NRSN2: variants seen among roughly 807,000 people sequenced by gnomAD.
NRSN2 encodes the protein neurensin 2.
In NRSN2, 10 loss-of-function variants were observed where a neutral mutation model predicts 11.1. The observed-to-expected ratio is 0.90, with a 90% CI of 0.56 to 1.53. NRSN2 has a LOEUF of 1.53. Among genes scored for constraint, NRSN2 ranks in the 40% most tolerant of loss-of-function variants. The pLI is 0.00. For synonymous variants in NRSN2, 100 were observed against 117.0 expected (o/e 0.86, Z 0.94); for missense variants, 260 against 273.7 (o/e 0.95, Z 0.35).
rs2122588651 is a variant in NRSN2, at chr20:354,180, CCACCCACCACAG to C, written c.*546_*557del. The C allele has an allele frequency of 6.5e-6, 1 of 153,430 alleles. No homozygotes were observed. Among genetic ancestry groups the C allele is most frequent in the East Asian group, 1.9e-4 (1 of 5,188 alleles). 9.5% of individuals were successfully genotyped at this position (153,430 alleles called of 1,614,324 possible). The stretch of plus-strand genomic sequence containing the variant: ...CATTTTGGCATCAGAGCCCCCCAGC[CCACCCACCACAG>C]GCAATTACTAGCCCTAGTTGATAGG... On this transcript the variant is annotated 3_prime_UTR_variant, in exon 5 of 5. Transcript: ENST00000382285.
intron 2 of NRSN2, among the ~76,000 whole-genome samples, chr20:348,694 T>G (rs2013675880): frequency 6.6e-6 from 1 of 151,738 alleles, no homozygotes; most frequent in Non-Finnish European, 1.5e-5. Context: ...AGCACATTGT[T>G]TCATTTTGCA....
chr20:353,477 C>T lies in NRSN2; in HGVS notation c.457C>T (p.Pro153Ser). 1.2e-6 allele frequency: 2 copies of T among 1,614,168 alleles called. No individual in the cohort carries two copies. The highest frequency in any genetic ancestry group is 1.7e-6 in the Non-Finnish European group (2 of 1,180,038). The change falls in exon 5 of 5, where the codon CCC (proline) becomes TCC (serine). Residue 153 changes from proline to serine, a missense_variant. Pro to Ser is a moderately conservative substitution (Grantham distance 74). Transcript: ENST00000382285. ...SQDTKAEPLD[P>S]EADSHVEVFG... Reference sequence around the variant, plus strand: ...GGACACCAAGGCAGAGCCCTTGGACCCCGAAGCCGACAGCCACGTGGAGGT... The same window carrying T: ...GGACACCAAGGCAGAGCCCTTGGACTCCGAAGCCGACAGCCACGTGGAGGT...
rs565729392 is a variant in NRSN2, at chr20:347,577, G to A, written c.-122+65G>A. 1.3e-5 allele frequency: 2 copies of A among 152,478 alleles called. No individual in the cohort carries two copies. Among genetic ancestry groups the A allele is most frequent in the East Asian group, 3.9e-4 (2 of 5,164 alleles). 9.4% of individuals were successfully genotyped at this position (152,478 alleles called of 1,614,324 possible). A position where few individuals can be genotyped will look rare whatever the true frequency, so the allele number is the denominator to read the frequency against. On this transcript the variant is annotated intron_variant, in intron 2 of 4. Transcript: ENST00000382285. This position sits in a 1 kb window ranked among gnomAD's most constrained non-coding sequence, Gnocchi z 7.0. ...CGACACCCCCTACCCATCCCCCCCG[G>A]GAGGGCGCCCCTTCTCCCCCGCCCG...
In NRSN2 at chr20:353,739, T is replaced by C. The variant is rs1389632324; in HGVS notation, c.*104T>C. The C allele has an allele frequency of 1.6e-6, 2 of 1,240,112 alleles. No homozygotes were observed. Among genetic ancestry groups the C allele is most frequent in the Non-Finnish European group, 2.2e-6 (2 of 900,438 alleles). 76.8% of individuals were successfully genotyped at this position (1,240,112 alleles called of 1,614,324 possible). A position where few individuals can be genotyped will look rare whatever the true frequency, so the allele number is the denominator to read the frequency against. Reference sequence around the variant, plus strand: ...CTTCTCCCTTTTAGCAGGGTCCCTTTAGAGCCCAACTCCAGGTCAAATCTG... The same window carrying C: ...CTTCTCCCTTTTAGCAGGGTCCCTTCAGAGCCCAACTCCAGGTCAAATCTG... On this transcript the variant is annotated 3_prime_UTR_variant, in exon 5 of 5. Coordinates refer to ENST00000382285, the MANE Select transcript of NRSN2 (RefSeq NM_001323682.2).
At chr20:349,456 G>A (rs1055021875) in intron 3 of NRSN2, 93 bp downstream of exon 3, 6 of 549,122 alleles carry the variant, frequency 1.1e-5, no homozygotes, top group African/African-American at 5.7e-5. Context: ...TGGCTCATTC[G>A]CAGTGTGCTT....
At chr20:348,527 G>T (rs1264062771) in intron 2 of NRSN2, 1 of 151,174 alleles carries the variant, frequency 6.6e-6, no homozygotes, top group Admixed American at 6.8e-5. Context: ...GTGTGTGTGT[G>T]TCGTACCTAT....
Position 353,517 on chromosome 20 carries a change from C to T in NRSN2, c.497C>T (p.Pro166Leu). ...DSHVEVFGDE[P>L]EQQLSPIFRN... is the part of the protein sequence containing the mutation. ...CACGTGGAGGTCTTCGGGGATGAGC[C>T]AGAGCAGCAGTTGTCACCCATTTTC... The change falls in exon 5 of 5, where the codon CCA becomes CTA. Residue 166 changes from proline (P) to leucine (L), a missense_variant. Pro to Leu is a moderately conservative substitution (Grantham distance 98). Transcript: ENST00000382285. The T allele has an allele frequency of 6.2e-7, 1 of 1,614,174 alleles. No homozygotes were observed. Among genetic ancestry groups the T allele is most frequent in the Non-Finnish European group, 8.5e-7 (1 of 1,180,026 alleles).
At position 354,555 on chromosome 20, in the gene NRSN2, C is replaced by T. The variant is rs571439729; in HGVS notation, c.*920C>T. 6.6e-6 allele frequency: 1 copy of T among 152,406 alleles called. No homozygotes were observed. The highest frequency in any genetic ancestry group is 2.4e-5 in the African/African-American group (1 of 41,558). 9.4% of individuals were successfully genotyped at this position (152,406 alleles called of 1,614,324 possible). On this transcript the variant is annotated 3_prime_UTR_variant, in exon 5 of 5. Coordinates refer to ENST00000382285, the MANE Select transcript of NRSN2 (RefSeq NM_001323682.2). ...CCTACCTAGAAACCAAGCCCACGGT[C>T]TTGGCCGTGACCCTGATAATAAATG... is the stretch of plus-strand genomic sequence containing the variant.
At position 353,253 on chromosome 20, in the gene NRSN2, C is replaced by T. The variant is rs905109408; in HGVS notation, c.233C>T (p.Ala78Val). 5.6e-6 allele frequency: 9 copies of T among 1,613,996 alleles called. No homozygotes were observed. Among genetic ancestry groups the T allele is most frequent in the Middle Eastern group, 1.7e-4 (1 of 6,056 alleles). Reference sequence around the variant, plus strand: ...ACCCTGCTTCTGCTGCTGGGTGTGGCGGCTCTGACCACTGGCTATGCAGTG... The same window carrying T: ...ACCCTGCTTCTGCTGCTGGGTGTGGTGGCTCTGACCACTGGCTATGCAGTG... ...SGTLLLLLGV[A>V]ALTTGYAVPP... The change falls in exon 5 of 5, where the codon GCG becomes GTG. Residue 78 changes from alanine to valine, a missense_variant. Physicochemically the swap from Ala to Val is moderately conservative, Grantham distance 64. Transcript: ENST00000382285.
At chr20:351,495 C>T (rs1600226533) in intron 4 of NRSN2, among the ~76,000 whole-genome samples, 1 of 151,768 alleles carries the variant, frequency 6.6e-6, no homozygotes, top group African/African-American at 2.4e-5. Flanking sequence ...GATTGTGCCA[C>T]TGCACTCCAG....
intron 4 of NRSN2, among the ~76,000 whole-genome samples, chr20:351,981 T>G (rs917362251): frequency 2.0e-5 from 3 of 152,230 alleles, no homozygotes; most frequent in African/African-American, 7.2e-5. Context: ...TTAAAAATCA[T>G]TTATAAGAAA....
In NRSN2 at chr20:349,763, T is replaced by C; in HGVS notation, c.120T>C (p.Ala40=). The C allele has an allele frequency of 6.2e-7, 1 of 1,613,518 alleles. No individual in the cohort carries two copies. Among genetic ancestry groups the C allele is most frequent in the Non-Finnish European group, 8.5e-7 (1 of 1,180,004 alleles). Residue 40 remains alanine (A), a synonymous_variant, in exon 4 of 5, where the codon GCT becomes GCC. Coordinates refer to ENST00000382285, the MANE Select transcript of NRSN2 (RefSeq NM_001323682.2). ...TCTATGAGGACTGTGCAGGCACTGC[T>C]CTCAGCGACGACCCTGAGGGACCTC... The part of the protein sequence containing the change: ...HLFYEDCAGT[A]LSDDPEGPPV...
chr20:349,690 G>C lies in NRSN2; in HGVS notation c.47G>C (p.Ser16Thr), dbSNP rs1035979341. The change falls in exon 4 of 5, where the codon AGC (serine) becomes ACC (threonine). Residue 16 changes from serine (S) to threonine (T), a missense_variant. Physicochemically the swap from Ser to Thr is moderately conservative, Grantham distance 58 (BLOSUM62 1). Transcript: ENST00000382285. ...TCCTGCAGCTGCAGCCGCGGCCCCA[G>C]CGTGGAGGATGGCAAGTGGTATGGG... is the stretch of plus-strand genomic sequence containing the variant. The part of the protein sequence containing the change: ...NRSCSCSRGP[S>T]VEDGKWYGVR... The C allele has an allele frequency of 6.2e-7, 1 of 1,613,196 alleles. No individual in the cohort carries two copies. Among genetic ancestry groups the C allele is most frequent in the East Asian group, 2.2e-5 (1 of 44,898 alleles).
chr20:353,687 C>A lies in NRSN2; in HGVS notation c.*52C>A. Reference sequence around the variant, plus strand: ...TCCTGGATCCTTCCCCCCTTCTCACCATAACCCCCTCTCAGTGTTTCCCCA... The same window carrying A: ...TCCTGGATCCTTCCCCCCTTCTCACAATAACCCCCTCTCAGTGTTTCCCCA... On this transcript the variant is annotated 3_prime_UTR_variant, in exon 5 of 5. Transcript: ENST00000382285. The A allele has an allele frequency of 1.9e-6, 3 of 1,544,854 alleles. No individual in the cohort carries two copies. The highest frequency in any genetic ancestry group is 2.6e-6 in the Non-Finnish European group (3 of 1,134,700).
At chr20:349,478 G>C in intron 3 of NRSN2, 115 bp downstream of exon 3, 2 of 584,090 alleles carry the variant, frequency 3.4e-6, no homozygotes, top group Non-Finnish European at 6.0e-6. Flanking sequence ...GGGAAGGACA[G>C]GCTGGGATTC....
chr20:349,947 A>T (rs909503013), intron 4 of NRSN2, 115 bp downstream of exon 4: 5 of 962,178 alleles, frequency 5.2e-6, no homozygotes, highest in African/African-American at 4.9e-5. Flanking sequence ...AGTCTTGCAC[A>T]GTCAAGCAAC....
chr20:350,513 T>C, intron 4 of NRSN2, among the ~76,000 whole-genome samples: 1 of 143,768 alleles, frequency 7.0e-6, no homozygotes, highest in Non-Finnish European at 1.5e-5. Context: ...CCGGGCGTGG[T>C]GGCAGGCGCC....
In NRSN2 at chr20:353,635, A is replaced by G; in HGVS notation, c.615A>G (p.Ter205TrpextTer6). The change falls in exon 5 of 5, where the codon TGA becomes TGG. Residue 205 changes from the stop codon to tryptophan (W), a stop_lost. Transcript: ENST00000382285. Reference protein sequence around the residue: ...VQTIQPKRDS* With the variant: ...VQTIQPKRDSW ...CTATCCAGCCCAAGAGGGACTCCTGAGCTGCCCACATGGCCTAAGATGTGG... is the reference window on the plus strand; with the variant it reads ...CTATCCAGCCCAAGAGGGACTCCTGGGCTGCCCACATGGCCTAAGATGTGG... 1 of 1,612,950 alleles carries G rather than the reference A, an allele frequency of 6.2e-7. No homozygotes were observed. Among genetic ancestry groups the G allele is most frequent in the Non-Finnish European group, 8.5e-7 (1 of 1,179,686 alleles).
In NRSN2 at chr20:353,699, TCA is replaced by T; in HGVS notation, c.*65_*66del. 1 of 1,512,226 alleles carries T rather than the reference TCA, an allele frequency of 6.6e-7. No individual in the cohort carries two copies. The highest frequency in any genetic ancestry group is 2.3e-5 in the East Asian group (1 of 43,662). 93.7% of individuals were successfully genotyped at this position (1,512,226 alleles called of 1,614,324 possible). ...CCCCCCTTCTCACCATAACCCCCTC[TCA>T]GTGTTTCCCCAACTTCTCCCTTTTA... On this transcript the variant is annotated 3_prime_UTR_variant, in exon 5 of 5. Transcript: ENST00000382285.
Sources: gnomAD v4.1 joint callset for allele counts (sites outside exome capture counted in the v4.1 genomes callset) on GRCh38, gnomAD v4.1.1 for gene constraint, Gnocchi (gnomAD v3.1) non-coding constraint, MANE v1.5 for transcripts, NCBI Gene and HGNC (gene_info 2026-07-23, HGNC 2026-07-21) for gene names.